The following TNFAIP3 variants were observed in gnomAD, a reference collection of about 807,000 sequenced individuals.
TNFAIP3 encodes TNF alpha induced protein 3, also known as tumor necrosis factor alpha-induced protein 3.
Under a neutral mutation model 72.4 loss-of-function variants are expected in TNFAIP3, and 9 were observed. The ratio of observed to expected loss-of-function variants is 0.12; its 90% CI spans 0.07 to 0.22. The LOEUF (loss-of-function observed/expected upper bound fraction) is 0.22. Among genes scored for constraint, TNFAIP3 ranks in the 10% least tolerant of loss-of-function variants. TNFAIP3 has a pLI of 1.00. For synonymous variants in TNFAIP3, 339 were observed against 372.6 expected, an observed-to-expected ratio of 0.91 and a Z score of 1.04; for missense variants, 833 against 1,018.7, an observed-to-expected ratio of 0.82 and a Z score of 2.48.
Position 137,871,105 on chromosome 6 carries a change from C to A in TNFAIP3, c.-15-108C>A, listed in dbSNP as rs2114454844. ...GTGCTAAGATCTTTTGCCTACAGAT[C>A]AGGGTAATGACAAGATCAAACACTG... On this transcript the variant is annotated intron_variant, in intron 1 of 8. Transcript: ENST00000612899. This position sits in a 1 kb window ranked among gnomAD's most constrained non-coding sequence, Gnocchi z 4.2. The A allele has an allele frequency of 9.8e-7, 1 of 1,024,814 alleles. No individual in the cohort carries two copies. Among genetic ancestry groups the A allele is most frequent in the Non-Finnish European group, 1.4e-6 (1 of 712,504 alleles). The allele number at this position is 1,024,814 out of a possible 1,614,324, so 63.5% of individuals were successfully genotyped here. A position where few individuals can be genotyped will look rare whatever the true frequency, so the allele number is the denominator to read the frequency against.
At chr6:137,866,849 C>T (rs909461260), upstream of TNFAIP3, 9 of 152,406 alleles carry the variant, frequency 5.9e-5, no homozygotes, top group African/African-American at 2.2e-4. Context: ...TTCCCTTCTT[C>T]TTCTCCACAG....
intron 7 of TNFAIP3, 85 bp from the exon 8 acceptor site, chr6:137,879,985 GA>G: frequency 8.4e-7 from 1 of 1,186,616 alleles, no homozygotes; most frequent in Admixed American, 2.1e-5. Flanking sequence ...TCTGTATTTG[GA>G]ACCCATTTAT....
In TNFAIP3 at chr6:137,882,240, C is replaced by T. The variant is rs943476821; in HGVS notation, c.*921C>T. The T allele has an allele frequency of 4.3e-6, 1 of 232,138 alleles. No individual in the cohort carries two copies. The highest frequency in any genetic ancestry group is 8.5e-6 in the Non-Finnish European group (1 of 117,382). The allele number at this position is 232,138 out of a possible 1,614,324, so 14.4% of individuals were successfully genotyped here. A position where few individuals can be genotyped will look rare whatever the true frequency, so the allele number is the denominator to read the frequency against. On this transcript the variant is annotated 3_prime_UTR_variant, in exon 9 of 9. Coordinates refer to ENST00000612899, the MANE Select transcript of TNFAIP3 (RefSeq NM_001270508.2). ...TTGTTGGGGCATGAGCTTGTGTATA[C>T]ACTGCTTGCATAAACTCAACCAGCT...
intron 8 of TNFAIP3, 145 bp downstream of exon 8, chr6:137,880,397 G>GGAAT: frequency 1.1e-6 from 1 of 906,440 alleles, no homozygotes; most frequent in East Asian, 2.6e-5. Flanking sequence ...AACCTGAAGG[G>GGAAT]GAATGTCCAT....
In TNFAIP3 at chr6:137,883,171, A is replaced by G. The variant is rs73778208; in HGVS notation, c.*1852A>G. The G allele has an allele frequency of 4.0e-3, 806 of 202,572 alleles. 6 individuals carry two copies. Among genetic ancestry groups the G allele is most frequent in the African/African-American group, 0.017 (762 of 43,772 alleles). The allele number at this position is 202,572 out of a possible 1,614,324, so 12.5% of individuals were successfully genotyped here. Reference sequence around the variant, plus strand: ...TGAAAAAAAGTAATTATTTATACTTATTATAAAAAGTATTTGAAATTTGCA... The same window carrying G: ...TGAAAAAAAGTAATTATTTATACTTGTTATAAAAAGTATTTGAAATTTGCA... On this transcript the variant is annotated 3_prime_UTR_variant, in exon 9 of 9. Transcript: ENST00000612899.
rs1263945031 is a variant in TNFAIP3, at chr6:137,867,439, G to T, written c.-119G>T. On this transcript the variant is annotated 5_prime_UTR_variant, in exon 1 of 9. Transcript: ENST00000612899. The surrounding 1 kb of genome is among the most constrained non-coding windows in gnomAD (Gnocchi z 6.0). ...CTGCCCCGACCCCCGCCTGCGGCGC[G>T]CTCCTGCCTTGACCAGGACTTGGGA... is the stretch of plus-strand genomic sequence containing the variant. The T allele has an allele frequency of 6.6e-6, 1 of 152,494 alleles. No homozygotes were observed. The highest frequency in any genetic ancestry group is 1.5e-5 in the Non-Finnish European group (1 of 68,166). 9.4% of individuals were successfully genotyped at this position (152,494 alleles called of 1,614,324 possible). A position where few individuals can be genotyped will look rare whatever the true frequency, so the allele number is the denominator to read the frequency against.
chr6:137,871,849 C>T lies in TNFAIP3; in HGVS notation c.295+327C>T, dbSNP rs143516126. On this transcript the variant is annotated intron_variant, in intron 2 of 8. Coordinates refer to ENST00000612899, the MANE Select transcript of TNFAIP3 (RefSeq NM_001270508.2). This position sits in a 1 kb window ranked among gnomAD's most constrained non-coding sequence, Gnocchi z 4.2. ...TCATCTGTAAAATACCCTTCTCTGG[C>T]CCGTAATGGAAATGTTAAAAGCCTT... Among the ~76,000 whole-genome samples the T allele has an allele frequency of 1.3e-5, 2 of 152,212 alleles. No individual in the cohort carries two copies. The highest frequency in any genetic ancestry group is 2.9e-5 in the Non-Finnish European group (2 of 68,010).
intron 6 of TNFAIP3, among the ~76,000 whole-genome samples, 174 bp from the exon 7 acceptor site, chr6:137,878,258 G>A (rs1448536627): frequency 6.6e-6 from 1 of 152,228 alleles, no homozygotes; most frequent in African/African-American, 2.4e-5. Flanking sequence ...AAATGTGTCA[G>A]ATCATGTTGC....
chr6:137,875,572 G>T, intron 3 of TNFAIP3, 116 bp from the exon 4 acceptor site: 1 of 1,276,078 alleles, frequency 7.8e-7, no homozygotes, highest in Non-Finnish European at 1.1e-6. Context: ...TTCATGAAAG[G>T]GGAAAAAATA....
chr6:137,878,799 G>A lies in TNFAIP3; in HGVS notation c.1354G>A (p.Glu452Lys), dbSNP rs1272884878. Residue 452 changes from glutamate (E) to lysine (K), a missense_variant, in exon 7 of 9, where the codon GAG (glutamate) becomes AAG (lysine). This residue lies in a region of TNFAIP3 where 587 missense variants were observed against 657.8 expected (regional missense o/e 0.89). Coordinates refer to ENST00000612899, the MANE Select transcript of TNFAIP3 (RefSeq NM_001270508.2). Reference sequence around the variant, plus strand: ...TGAGCCCTTGGCGTGGAACCCTGAGGAGTCCACTGGGGGGCCTCATTCGGC... The same window carrying A: ...TGAGCCCTTGGCGTGGAACCCTGAGAAGTCCACTGGGGGGCCTCATTCGGC... Reference protein sequence around the residue: ...AYEPLAWNPEESTGGPHSAPP... With the variant: ...AYEPLAWNPEKSTGGPHSAPP... The A allele has an allele frequency of 6.2e-7, 1 of 1,613,968 alleles. No homozygotes were observed. The highest frequency in any genetic ancestry group is 8.5e-7 in the Non-Finnish European group (1 of 1,180,046).
At chr6:137,867,168 C>G (rs1189246640), upstream of TNFAIP3, 4 of 151,928 alleles carry the variant, frequency 2.6e-5, no homozygotes, top group Non-Finnish European at 5.9e-5. The surrounding 1 kb of genome is among the most constrained non-coding windows in gnomAD (Gnocchi z 6.0). Flanking sequence ...CTTCGCAGCC[C>G]GACCCAGAGA....
At chr6:137,878,031 A>G (rs1776309371) in intron 6 of TNFAIP3, among the ~76,000 whole-genome samples, 1 of 152,232 alleles carries the variant, frequency 6.6e-6, no homozygotes, top group Admixed American at 6.5e-5. Context: ...AGTTTGTACT[A>G]TAAAGTAGAC....
At position 137,871,440 on chromosome 6, in the gene TNFAIP3, A is replaced by G. The variant is rs143308022; in HGVS notation, c.213A>G (p.Arg71=). The change falls in exon 2 of 9, where the codon AGA becomes AGG. Residue 71 remains arginine (R), a synonymous_variant. Transcript: ENST00000612899. This position sits in a 1 kb window ranked among gnomAD's most constrained non-coding sequence, Gnocchi z 4.2. ...TCATCCACAAAGCCCTCATCGACAG[A>G]AACATCCAGGCCACCCTGGAAAGCC... ...REIIHKALID[R]NIQATLESQK... 2 of 1,614,090 alleles carry G rather than the reference A, an allele frequency of 1.2e-6. No homozygotes were observed. The highest frequency in any genetic ancestry group is 2.7e-5 in the African/African-American group (2 of 74,926).
At chr6:137,870,889 C>G (rs534525665) in intron 1 of TNFAIP3, among the ~76,000 whole-genome samples, 48 of 152,330 alleles carry the variant, frequency 3.2e-4, no homozygotes, top group Admixed American at 2.9e-3. Flanking sequence ...TTTTGAGGAG[C>G]AGTACCTGTT....
At position 137,881,385 on chromosome 6, in the gene TNFAIP3, TC is replaced by T; in HGVS notation, c.*68del. ...CGAGCTGTCAGTCATCATGGTGCTA[TC>T]CTCTGAACCCCTCAGCTGCCACTGC... On this transcript the variant is annotated 3_prime_UTR_variant, in exon 9 of 9. Transcript: ENST00000612899. This position sits in a 1 kb window ranked among gnomAD's most constrained non-coding sequence, Gnocchi z 5.0. 7.1e-7 allele frequency: 1 copy of T among 1,409,514 alleles called. No homozygotes were observed. Among genetic ancestry groups the T allele is most frequent in the South Asian group, 1.4e-5 (1 of 72,544 alleles). 87.3% of individuals were successfully genotyped at this position (1,409,514 alleles called of 1,614,324 possible).
intron 5 of TNFAIP3, among the ~76,000 whole-genome samples, chr6:137,876,846 T>A (rs1255911628): frequency 6.6e-6 from 1 of 152,142 alleles, no homozygotes; most frequent in African/African-American, 2.4e-5. Flanking sequence ...CTTTAACCAA[T>A]AAGATCCACC....
At chr6:137,870,325 G>A (rs1287114585) in intron 1 of TNFAIP3, among the ~76,000 whole-genome samples, 1 of 152,152 alleles carries the variant, frequency 6.6e-6, no homozygotes, top group Non-Finnish European at 1.5e-5. Context: ...GTCTCACCGT[G>A]TTGCCCAGGC....
chr6:137,878,207 A>G (rs1776315438), intron 6 of TNFAIP3, among the ~76,000 whole-genome samples: 1 of 152,264 alleles, frequency 6.6e-6, no homozygotes, highest in Non-Finnish European at 1.5e-5. Context: ...AGGAAGTCTT[A>G]GCAAACTAAC....
In TNFAIP3 at chr6:137,880,055, A is replaced by T; in HGVS notation, c.1907-16A>T. 1 of 1,613,526 alleles carries T rather than the reference A, an allele frequency of 6.2e-7. No homozygotes were observed. Among genetic ancestry groups the T allele is most frequent in the Non-Finnish European group, 8.5e-7 (1 of 1,179,638 alleles). On this transcript the variant is annotated splice_polypyrimidine_tract_variant and intron_variant, in intron 7 of 8. Coordinates refer to ENST00000612899, the MANE Select transcript of TNFAIP3 (RefSeq NM_001270508.2). ...TGACCCCTATGTGGTACTAACTAGC[A>T]TCCATTCTCATGTAGATTTTGCTGC...
Sources: gnomAD v4.1 joint callset for allele counts (sites outside exome capture counted in the v4.1 genomes callset) on GRCh38, gnomAD v4.1.1 for gene constraint, gnomAD v4.1.1 regional missense constraint, Gnocchi (gnomAD v3.1) non-coding constraint, MANE v1.5 for transcripts, NCBI Gene and HGNC (gene_info 2026-07-23, HGNC 2026-07-21) for gene names.